The following CDK17 variants were observed in gnomAD, a reference collection of about 807,000 sequenced individuals.
CDK17 encodes cyclin dependent kinase 17, also known as cyclin-dependent kinase 17.
CDK17 carries 24 observed loss-of-function variants against 77.6 expected under a neutral mutation model. That is an observed-to-expected ratio of 0.31 (90% CI 0.22 to 0.44). CDK17 has a LOEUF of 0.44. Among genes scored for constraint, CDK17 ranks in the 20% least tolerant of loss-of-function variants. The probability of loss-of-function intolerance (pLI) is 1.00; values close to 1 mark genes in which losing one functional copy is unlikely to be tolerated. For missense variants in CDK17, 429 were observed against 622.5 expected (o/e 0.69, Z 3.31); for synonymous variants, 203 against 210.4 (o/e 0.96, Z 0.30).
In CDK17 at chr12:96,280,104, TAA is replaced by T; in HGVS notation, c.*136_*137del. On this transcript the variant is annotated 3_prime_UTR_variant, in exon 17 of 17. Transcript: ENST00000261211. ...ATAAAAACAATCTGTAGGTCTGAAA[TAA>T]AAAGACTCCACTGTGAAGAGGACAG... 1 of 772,770 alleles carries T rather than the reference TAA, an allele frequency of 1.3e-6. No homozygotes were observed. The allele number at this position is 772,770 out of a possible 1,614,324, so 47.9% of individuals were successfully genotyped here.
At position 96,286,087 on chromosome 12, in the gene CDK17, G is replaced by A. The variant is rs763897442; in HGVS notation, c.1278C>T (p.Asn426=). Residue 426 remains asparagine, a synonymous_variant, in exon 13 of 17, where the codon AAC becomes AAT. Transcript: ENST00000261211. The stretch of plus-strand genomic sequence containing the variant: ...GAGGCTGTGGTTTATATTTTGGAAA[G>A]TTGTAGTTCTTGAACTCCTCATTTG... ...ISSNEEFKNY[N]FPKYKPQPLI... 6.5e-7 allele frequency: 1 copy of A among 1,550,290 alleles called. No individual in the cohort carries two copies.
At chr12:96,322,503 A>AC (rs1952835257) in intron 3 of CDK17, among the ~76,000 whole-genome samples, 1 of 151,956 alleles carries the variant, frequency 6.6e-6, no homozygotes, top group Non-Finnish European at 1.5e-5. Flanking sequence ...CAAAAAAAAA[A>AC]AAAACAAACC....
Position 96,297,725 on chromosome 12 carries a change from C to T in CDK17, c.716-4G>A, listed in dbSNP as rs141560239. The stretch of plus-strand genomic sequence containing the variant: ...TTTAAATCCTTTAATAGTGAAACTG[C>T]AAAACAGAAAAAGAAAATTGTTTAG... On this transcript the variant is annotated splice_polypyrimidine_tract_variant and splice_region_variant and intron_variant, in intron 7 of 16. Transcript: ENST00000261211. 6.8e-4 allele frequency: 1,022 copies of T among 1,498,492 alleles called. 10 individuals carry two copies. The African/African-American group carries it at 0.012, about 18-fold the overall frequency. 92.8% of individuals were successfully genotyped at this position (1,498,492 alleles called of 1,614,324 possible). A position where few individuals can be genotyped will look rare whatever the true frequency, so the allele number is the denominator to read the frequency against.
intron 13 of CDK17, chr12:96,285,593 A>C (rs900747949): frequency 6.6e-6 from 1 of 152,440 alleles, no homozygotes; most frequent in Non-Finnish European, 1.5e-5. Flanking sequence ...TCTAAGAAGA[A>C]ACTTAAATGA....
At chr12:96,351,893 G>C (rs1953317804) in intron 1 of CDK17, among the ~76,000 whole-genome samples, 1 of 152,122 alleles carries the variant, frequency 6.6e-6, no homozygotes, top group Admixed American at 6.5e-5. Context: ...GCTCACAAAA[G>C]ACTGTTGTTG....
At chr12:96,376,814 A>C (rs960578613) in intron 1 of CDK17, among the ~76,000 whole-genome samples, 1 of 152,218 alleles carries the variant, frequency 6.6e-6, no homozygotes, top group African/African-American at 2.4e-5. Flanking sequence ...CAGATCACAG[A>C]CAGGTTTAAT....
intron 2 of CDK17, among the ~76,000 whole-genome samples, chr12:96,329,764 A>G (rs1592732291): frequency 6.6e-6 from 1 of 152,252 alleles, no homozygotes; most frequent in East Asian, 1.9e-4. Context: ...CACAGCTAAC[A>G]TGTAAGAGAT....
At chr12:96,305,027 T>C (rs1952559885) in intron 5 of CDK17, among the ~76,000 whole-genome samples, 1 of 152,220 alleles carries the variant, frequency 6.6e-6, no homozygotes, top group Non-Finnish European at 1.5e-5. Flanking sequence ...ATGACCTCCA[T>C]TATAATTGAA....
intron 1 of CDK17, chr12:96,399,052 T>C (rs543417649): frequency 6.6e-6 from 1 of 152,244 alleles, no homozygotes; most frequent in South Asian, 2.1e-4. Context: ...CATCCTGTCA[T>C]TAACAAATGT....
chr12:96,288,207 A>C (rs1952271284), intron 11 of CDK17, among the ~76,000 whole-genome samples: 1 of 152,200 alleles, frequency 6.6e-6, no homozygotes, highest in South Asian at 2.1e-4. Flanking sequence ...ACAATATTAA[A>C]AATTAATTTT....
At chr12:96,319,619 TC>T (rs1952787397) in intron 3 of CDK17, among the ~76,000 whole-genome samples, 1 of 142,058 alleles carries the variant, frequency 7.0e-6, no homozygotes, top group African/African-American at 2.7e-5. Context: ...GTGGGCTTCA[TC>T]CCTGGGATGC....
intron 1 of CDK17, among the ~76,000 whole-genome samples, chr12:96,342,033 A>G (rs1953129944): frequency 6.6e-6 from 1 of 152,248 alleles, no homozygotes; most frequent in African/African-American, 2.4e-5. Flanking sequence ...AGCAAAACAT[A>G]CACGTAGAAC....
chr12:96,308,202 A>G (rs1952600193), intron 5 of CDK17, among the ~76,000 whole-genome samples: 1 of 146,822 alleles, frequency 6.8e-6, no homozygotes, highest in African/African-American at 2.5e-5. Context: ...TGAAACCAGC[A>G]TGGGCAACAC....
chr12:96,285,776 A>G (rs1302836653), intron 13 of CDK17: 1 of 211,260 alleles, frequency 4.7e-6, no homozygotes, highest in Non-Finnish European at 9.3e-6. Flanking sequence ...TAAATACAGA[A>G]TAATTCTGTA....
chr12:96,306,749 T>C (rs1262826736), intron 5 of CDK17, among the ~76,000 whole-genome samples: 1 of 152,078 alleles, frequency 6.6e-6, no homozygotes, highest in Admixed American at 6.5e-5. Flanking sequence ...CTAATACATA[T>C]AAAAAAATGA....
At chr12:96,300,260 A>C (rs1952478919) in intron 6 of CDK17, 44 bp downstream of exon 6, 1 of 1,317,518 alleles carries the variant, frequency 7.6e-7, no homozygotes, top group Admixed American at 1.9e-5. Context: ...TTGAATGACG[A>C]ATAAGAAAAA....
At chr12:96,313,115 T>G (rs1248531402) in intron 4 of CDK17, among the ~76,000 whole-genome samples, 1 of 152,200 alleles carries the variant, frequency 6.6e-6, no homozygotes, top group Non-Finnish European at 1.5e-5. Context: ...AACAACTATA[T>G]TACATATCTA....
intron 1 of CDK17, among the ~76,000 whole-genome samples, chr12:96,341,164 T>C (rs745558281): frequency 2.1e-4 from 32 of 152,230 alleles, no homozygotes; most frequent in Non-Finnish European, 2.6e-4. Context: ...TCCTACGCTA[T>C]TGTTTCTATG....
intron 5 of CDK17, among the ~76,000 whole-genome samples, chr12:96,308,023 C>T (rs1952598452): frequency 6.6e-6 from 1 of 152,014 alleles, no homozygotes; most frequent in Non-Finnish European, 1.5e-5. Flanking sequence ...ATGGTATATA[C>T]AGCATAAAGT....
Sources: allele counts gnomAD v4.1 joint callset (sites outside exome capture counted in the v4.1 genomes callset), GRCh38; gene constraint gnomAD v4.1.1; transcripts MANE v1.5; gene names NCBI Gene and HGNC (gene_info 2026-07-23, HGNC 2026-07-21).